PPM1E: variants seen among roughly 807,000 people sequenced by gnomAD.
The protein encoded by PPM1E is protein phosphatase 1E.
Under a neutral mutation model 65.9 loss-of-function variants are expected in PPM1E, and 20 were observed. That is an observed-to-expected ratio of 0.30 (90% CI 0.21 to 0.44). PPM1E has a LOEUF of 0.44. Ranked by LOEUF, PPM1E falls within the 20% of genes least tolerant of loss-of-function variation. PPM1E has a pLI of 1.00. For synonymous variants in PPM1E, 352 were observed against 374.9 expected, an observed-to-expected ratio of 0.94 and a Z score of 0.70; for missense variants, 713 against 953.1, an observed-to-expected ratio of 0.75 and a Z score of 3.32.
intron 3 of PPM1E, among the ~76,000 whole-genome samples, chr17:58,968,737 T>C (rs751861308): frequency 2.6e-5 from 4 of 152,242 alleles, no homozygotes; most frequent in Non-Finnish European, 5.9e-5. Flanking sequence ...GAGCAGATGA[T>C]AAAGCAGCAA....
At chr17:58,957,876 C>T (rs2029902221) in intron 2 of PPM1E, among the ~76,000 whole-genome samples, 1 of 152,228 alleles carries the variant, frequency 6.6e-6, no homozygotes, top group South Asian at 2.1e-4. Context: ...CTGTTGGTGA[C>T]TCATGCCTGT....
intron 1 of PPM1E, among the ~76,000 whole-genome samples, chr17:58,805,974 C>CAAAAAAAAAAAAAAAAAAAAAAAAA (rs1341289870): frequency 2.7e-5 from 2 of 74,016 alleles, no homozygotes; most frequent in Non-Finnish European, 5.0e-5. Flanking sequence ...AAAAAAAAAA[C>CAAAAAAAAAAAAAAAAAAAAAAAAA]AAAAAAAAAA....
intron 1 of PPM1E, among the ~76,000 whole-genome samples, chr17:58,831,377 C>G (rs2050604677): frequency 6.6e-6 from 1 of 152,162 alleles, no homozygotes; most frequent in Non-Finnish European, 1.5e-5. Context: ...AGGGAATACA[C>G]TTGTTTATAT....
At chr17:58,815,427 G>C (rs1460830202) in intron 1 of PPM1E, among the ~76,000 whole-genome samples, 1 of 152,128 alleles carries the variant, frequency 6.6e-6, no homozygotes, top group Non-Finnish European at 1.5e-5. Flanking sequence ...TGGTACCCAC[G>C]ACATAGTTTT....
intron 1 of PPM1E, among the ~76,000 whole-genome samples, chr17:58,781,665 G>A (rs1231632757): frequency 6.6e-6 from 1 of 151,956 alleles, no homozygotes; most frequent in Non-Finnish European, 1.5e-5. Context: ...ACTTTCGGAG[G>A]CTGAGGCAGG....
At chr17:58,964,838 G>T (rs917154182) in intron 2 of PPM1E, among the ~76,000 whole-genome samples, 1 of 152,154 alleles carries the variant, frequency 6.6e-6, no homozygotes. Context: ...GAGGTCAGGA[G>T]TTCAAGACCA....
chr17:58,902,628 C>T (rs1164849776), intron 1 of PPM1E, among the ~76,000 whole-genome samples: 1 of 152,088 alleles, frequency 6.6e-6, no homozygotes, highest in African/African-American at 2.4e-5. Flanking sequence ...GTTCCTAAAT[C>T]CAAATTATAA....
At chr17:58,819,302 C>T (rs1354081279) in intron 1 of PPM1E, among the ~76,000 whole-genome samples, 11 of 152,214 alleles carry the variant, frequency 7.2e-5, no homozygotes, top group African/African-American at 2.2e-4. Flanking sequence ...CGCGCCACCA[C>T]GCCAGGCTAA....
At chr17:58,823,089 A>G (rs571118405) in intron 1 of PPM1E, among the ~76,000 whole-genome samples, 2 of 152,056 alleles carry the variant, frequency 1.3e-5, no homozygotes, top group African/African-American at 2.4e-5. Context: ...AATAATACCT[A>G]TTTTATCCAA....
chr17:58,782,385 C>T (rs571640127), intron 1 of PPM1E, among the ~76,000 whole-genome samples: 2 of 150,102 alleles, frequency 1.3e-5, no homozygotes, highest in Admixed American at 6.7e-5. Flanking sequence ...TCACTTGCAA[C>T]AATCTTAACT....
At chr17:58,908,311 C>T (rs1243922283) in intron 1 of PPM1E, among the ~76,000 whole-genome samples, 1 of 152,068 alleles carries the variant, frequency 6.6e-6, no homozygotes, top group African/African-American at 2.4e-5. Context: ...AAACTCCTCA[C>T]CTTGTGATCT....
chr17:58,905,288 C>G (rs775703451), intron 1 of PPM1E, among the ~76,000 whole-genome samples: 1 of 152,154 alleles, frequency 6.6e-6, no homozygotes, highest in African/African-American at 2.4e-5. Flanking sequence ...TGTTCCTGAT[C>G]TTAGTAGGAA....
chr17:58,926,264 G>A (rs1417382180), intron 1 of PPM1E, among the ~76,000 whole-genome samples: 1 of 151,660 alleles, frequency 6.6e-6, no homozygotes, highest in Admixed American at 6.6e-5. Flanking sequence ...TCCAGGAGGT[G>A]GAGTCTGCAG....
intron 1 of PPM1E, among the ~76,000 whole-genome samples, chr17:58,924,779 C>A (rs2143547487): frequency 6.7e-6 from 1 of 149,344 alleles, no homozygotes; most frequent in Non-Finnish European, 1.5e-5. Context: ...TCCCTGTGTC[C>A]ATGTGTTCTC....
rs144608420 is a variant in PPM1E, at chr17:58,797,047, G to A, written c.464+40586G>A. Among the ~76,000 whole-genome samples the A allele has an allele frequency of 5.3e-3, 814 of 152,266 alleles. 3 individuals carry two copies. The highest frequency in any genetic ancestry group is 0.014 in the Middle Eastern group (4 of 294). On this transcript the variant is annotated intron_variant, in intron 1 of 6. Transcript: ENST00000308249. The stretch of plus-strand genomic sequence containing the variant: ...CACTGGAACTCGTGAGGCAGAGGTT[G>A]CAGTGAGCTGAGATCACGCCACTTC...
intron 1 of PPM1E, among the ~76,000 whole-genome samples, chr17:58,817,425 T>C (rs947309407): frequency 2.0e-5 from 3 of 152,224 alleles, no homozygotes; most frequent in African/African-American, 4.8e-5. Flanking sequence ...AAATGTTTAC[T>C]GTTTCATTTT....
chr17:58,927,888 C>G (rs1237667604), intron 1 of PPM1E, among the ~76,000 whole-genome samples: 2 of 151,976 alleles, frequency 1.3e-5, no homozygotes, highest in Non-Finnish European at 2.9e-5. Context: ...GTGAAACCCT[C>G]TCTCTGTTAA....
intron 1 of PPM1E, among the ~76,000 whole-genome samples, chr17:58,815,957 GATAAA>G (rs2050410719): frequency 1.3e-5 from 2 of 151,974 alleles, no homozygotes; most frequent in African/African-American, 2.4e-5. Flanking sequence ...AAAAAATATT[GATAAA>G]ATAAAAATAT....
chr17:58,955,539 A>G (rs755367017), intron 1 of PPM1E, 110 bp from the exon 2 acceptor site: 22 of 1,183,232 alleles, frequency 1.9e-5, no homozygotes, highest in African/African-American at 3.1e-5. Context: ...GTTTAAAGGT[A>G]TAATTTTGTT....
Sources: allele counts gnomAD v4.1 joint callset (sites outside exome capture counted in the v4.1 genomes callset), GRCh38; gene constraint gnomAD v4.1.1; transcripts MANE v1.5; gene names NCBI Gene and HGNC (gene_info 2026-07-23, HGNC 2026-07-21).